UBAP2: variants seen among roughly 807,000 people sequenced by gnomAD.
UBAP2 encodes ubiquitin-associated protein 2.
A neutral mutation model predicts 139.6 loss-of-function variants in UBAP2; 75 were observed. The observed-to-expected ratio is 0.54, with a 90% CI of 0.45 to 0.65. The LOEUF is 0.65. Ranked by LOEUF, UBAP2 falls within the 30% of genes least tolerant of loss-of-function variation. The probability of loss-of-function intolerance (pLI) is 0.00; values close to 1 mark genes in which losing one functional copy is unlikely to be tolerated. For synonymous variants in UBAP2, 526 were observed against 526.2 expected (o/e 1.00, Z 0.01); for missense variants, 1,368 against 1,369.6 (o/e 1.00, Z 0.02).
At chr9:34,002,465 T>A (rs893645070) in intron 2 of UBAP2, among the ~76,000 whole-genome samples, 3 of 146,250 alleles carry the variant, frequency 2.1e-5, no homozygotes, top group African/African-American at 7.6e-5. Context: ...GCAACCTCCA[T>A]CTCCCAGGTT....
intron 4 of UBAP2, among the ~76,000 whole-genome samples, chr9:33,989,753 C>T (rs1228269888): frequency 2.6e-5 from 4 of 152,150 alleles, no homozygotes; most frequent in Non-Finnish European, 5.9e-5. Context: ...TCTACACCAC[C>T]TCACTTACCT....
At chr9:34,044,510 A>G (rs1827396811) in intron 1 of UBAP2, among the ~76,000 whole-genome samples, 1 of 152,030 alleles carries the variant, frequency 6.6e-6, no homozygotes, top group Admixed American at 6.6e-5. Context: ...GGTTACAGTG[A>G]GCCAAGGCAC....
At chr9:33,968,309 G>A in intron 8 of UBAP2, 1 of 597,716 alleles carries the variant, frequency 1.7e-6, no homozygotes, top group South Asian at 1.4e-5. Flanking sequence ...GAAAGCTACT[G>A]GCCTCTGATG....
intron 5 of UBAP2, among the ~76,000 whole-genome samples, chr9:33,987,038 A>G (rs538940340): frequency 1.3e-5 from 2 of 152,290 alleles, no homozygotes; most frequent in East Asian, 1.9e-4. Context: ...TTGTAATTCC[A>G]GCACTTGTAA....
intron 17 of UBAP2, chr9:33,935,451 G>A (rs118115128): frequency 0.081 from 15,548 of 191,288 alleles, 894 homozygotes; most frequent in Non-Finnish European, 0.11. Context: ...TATTTTAGTA[G>A]AGACAGAGTT....
chr9:33,984,828 T>G (rs957288666), intron 6 of UBAP2, among the ~76,000 whole-genome samples: 7 of 152,136 alleles, frequency 4.6e-5, no homozygotes. Flanking sequence ...GAACGGCTAT[T>G]ATCAAAAAGA....
intron 23 of UBAP2, 89 bp from the exon 24 acceptor site, chr9:33,924,089 G>A: frequency 6.3e-7 from 1 of 1,586,768 alleles, no homozygotes; most frequent in Non-Finnish European, 8.6e-7. Flanking sequence ...AGGTCTGGCT[G>A]CCAGCTCAGC....
intron 11 of UBAP2, among the ~76,000 whole-genome samples, chr9:33,955,872 C>T (rs1361340484): frequency 6.7e-6 from 1 of 148,436 alleles, no homozygotes; most frequent in Non-Finnish European, 1.5e-5. Flanking sequence ...ATGTCTGCAA[C>T]AACTGCTAAC....
chr9:33,980,736 G>A (rs1820589972), intron 6 of UBAP2, among the ~76,000 whole-genome samples: 1 of 151,794 alleles, frequency 6.6e-6, no homozygotes, highest in Admixed American at 6.6e-5. Flanking sequence ...TGGGCGGGTT[G>A]TTTGAGCTCA....
intron 20 of UBAP2, 42 bp from the exon 21 acceptor site, chr9:33,927,122 C>A: frequency 6.6e-7 from 1 of 1,504,740 alleles, no homozygotes; most frequent in Non-Finnish European, 9.1e-7. Flanking sequence ...ATGGTCACCA[C>A]AAAGAGTGAG....
At chr9:34,000,381 A>G (rs527856775) in intron 2 of UBAP2, among the ~76,000 whole-genome samples, 1 of 152,224 alleles carries the variant, frequency 6.6e-6, no homozygotes, top group African/African-American at 2.4e-5. Context: ...AAAAAATCAG[A>G]AAAGTTCTAA....
Position 33,971,753 on chromosome 9 carries a change from T to C in UBAP2, c.577A>G (p.Thr193Ala). 1 of 1,573,782 alleles carries C rather than the reference T, an allele frequency of 6.4e-7. No homozygotes were observed. The highest frequency in any genetic ancestry group is 8.7e-7 in the Non-Finnish European group (1 of 1,143,376). The change falls in exon 8 of 29, where the codon ACA (threonine) becomes GCA (alanine). Residue 193 changes from threonine (T) to alanine (A), a missense_variant and splice_region_variant. By Grantham distance (58) the Thr-to-Ala change is moderately conservative. Transcript: ENST00000379238. ...AGRFSTQGMG[T>A]FNPADYSDST... The stretch of plus-strand genomic sequence containing the variant: ...TCTGAATAGTCTGCAGGATTAAATG[T>C]CCTGGGGTTTGAAATAAAGAAATAA...
At chr9:33,931,053 A>G (rs944817266) in intron 19 of UBAP2, among the ~76,000 whole-genome samples, 7 of 152,228 alleles carry the variant, frequency 4.6e-5, no homozygotes, top group African/African-American at 7.2e-5. Context: ...CTATCTTTCC[A>G]TAACTTTTCA....
chr9:33,960,978 C>T lies in UBAP2; in HGVS notation c.746-100G>A, dbSNP rs575845639. 3.7e-5 allele frequency: 40 copies of T among 1,090,702 alleles called. No individual in the cohort carries two copies. In the South Asian group the frequency reaches 4.7e-4, roughly 13 times the overall value. 67.6% of individuals were successfully genotyped at this position (1,090,702 alleles called of 1,614,324 possible). On this transcript the variant is annotated intron_variant, in intron 9 of 28. Coordinates refer to ENST00000379238, the MANE Select transcript of UBAP2 (RefSeq NM_001370062.2). ...GTGTACTATGCGGGGAAAAAAGATA[C>T]ATACGCCTCACTAGCAATTTAGTTT...
intron 13 of UBAP2, among the ~76,000 whole-genome samples, chr9:33,947,143 T>C (rs1014267507): frequency 1.3e-5 from 2 of 152,160 alleles, no homozygotes; most frequent in East Asian, 1.9e-4. Flanking sequence ...AGCAAAAACT[T>C]TGGGCACTGA....
rs1323172244 is a variant in UBAP2, at chr9:33,923,785, A to C, written c.2796+10T>G. 6.2e-7 allele frequency: 1 copy of C among 1,613,766 alleles called. No individual in the cohort carries two copies. The highest frequency in any genetic ancestry group is 8.5e-7 in the Non-Finnish European group (1 of 1,179,808). On this transcript the variant is annotated intron_variant, in intron 24 of 28. Coordinates refer to ENST00000379238, the MANE Select transcript of UBAP2 (RefSeq NM_001370062.2). Reference sequence around the variant, plus strand: ...CCAGGAGACACAGTCACACCCTCTGAAATACTCACAAACATGGTGGGGCCA... The same window carrying C: ...CCAGGAGACACAGTCACACCCTCTGCAATACTCACAAACATGGTGGGGCCA...
intron 12 of UBAP2, among the ~76,000 whole-genome samples, 154 bp downstream of exon 12, chr9:33,953,131 A>T (rs576653413): frequency 1.3e-4 from 20 of 152,218 alleles, no homozygotes; most frequent in Non-Finnish European, 2.4e-4. Context: ...CAGCTCCCAA[A>T]GTGCTGGGAT....
At position 34,015,000 on chromosome 9, in the gene UBAP2, T is replaced by C. The variant is rs16935341; in HGVS notation, c.99+2050A>G. On this transcript the variant is annotated intron_variant, in intron 2 of 28. Coordinates refer to ENST00000379238, the MANE Select transcript of UBAP2 (RefSeq NM_001370062.2). Reference sequence around the variant, plus strand: ...ACTACACTAACTTTATACTGAAAAATGTAACGCAACACTTAAATCTCCTCA... The same window carrying C: ...ACTACACTAACTTTATACTGAAAAACGTAACGCAACACTTAAATCTCCTCA... 2.1e-3 allele frequency among the ~76,000 whole-genome samples: 317 copies of C among 152,270 alleles called. 1 individual carries two copies. The East Asian group carries it at 0.037, about 18-fold the overall frequency.
chr9:33,940,459 T>G (rs1825109032), intron 16 of UBAP2, among the ~76,000 whole-genome samples: 1 of 152,162 alleles, frequency 6.6e-6, no homozygotes, highest in Non-Finnish European at 1.5e-5. Context: ...TCATGTCATA[T>G]TTACAAAATA....
Sources: allele counts gnomAD v4.1 joint callset (sites outside exome capture counted in the v4.1 genomes callset), GRCh38; gene constraint gnomAD v4.1.1; transcripts MANE v1.5; gene names NCBI Gene and HGNC (gene_info 2026-07-23, HGNC 2026-07-21).